MMS19: variants seen among roughly 807,000 people sequenced by gnomAD.
MMS19 encodes MMS19 nucleotide excision repair protein homolog.
A neutral mutation model predicts 129.8 loss-of-function variants in MMS19; 77 were observed. That is an observed-to-expected ratio of 0.59 (90% confidence interval 0.49 to 0.72). The LOEUF (loss-of-function observed/expected upper bound fraction) is 0.72, where lower values mean the gene tolerates loss of function less well. Among genes scored for constraint, MMS19 ranks in the 30% least tolerant of loss-of-function variants. The pLI, the probability that MMS19 is intolerant of heterozygous loss-of-function variation, is 0.00. For synonymous variants in MMS19, 491 were observed against 502.8 expected, an observed-to-expected ratio of 0.98 and a Z score of 0.31; for missense variants, 1,168 against 1,266.3, an observed-to-expected ratio of 0.92 and a Z score of 1.18.
At chr10:97,461,086 C>T in intron 23 of MMS19, 79 bp from the exon 24 acceptor site, 1 of 1,172,384 alleles carries the variant, frequency 8.5e-7, no homozygotes, top group Non-Finnish European at 1.2e-6. Flanking sequence ...ACTTTAAGTG[C>T]AGAGCTCCCT....
In MMS19 at chr10:97,460,057, G is replaced by A. The variant is rs2031315887; in HGVS notation, c.2645C>T (p.Ala882Val). Reference sequence around the variant, plus strand: ...TTCAGACTCCTCACCTTGGGGAGCAGCATGGAAGCCCTGGACCAAAGCAGG... The same window carrying A: ...TTCAGACTCCTCACCTTGGGGAGCAACATGGAAGCCCTGGACCAAAGCAGG... ...NVPALVQGFH[A>V]APQDVKPNYL... The change falls in exon 26 of 31, where the codon GCT becomes GTT. Residue 882 changes from alanine to valine, a missense_variant. Ala to Val is a moderately conservative substitution (Grantham distance 64). Around this residue, in one of 3 missense-constraint regions of MMS19, gnomAD observed 831 missense variants for 910.8 expected, o/e 0.91. Transcript: ENST00000438925. 2 of 1,613,646 alleles carry A rather than the reference G, an allele frequency of 1.2e-6. No homozygotes were observed. Among genetic ancestry groups the A allele is most frequent in the African/African-American group, 2.7e-5 (2 of 74,934 alleles).
chr10:97,477,847 T>A lies in MMS19; in HGVS notation c.423+8A>T, dbSNP rs1303092971. Reference sequence around the variant, plus strand: ...GAGGAGAATACCAACATGACTGTTATCCCTCACCTGTACATGCACTTCCTG... The same window carrying A: ...GAGGAGAATACCAACATGACTGTTAACCCTCACCTGTACATGCACTTCCTG... On this transcript the variant is annotated splice_region_variant and intron_variant, in intron 5 of 30. Coordinates refer to ENST00000438925, the MANE Select transcript of MMS19 (RefSeq NM_022362.5). 1.3e-6 allele frequency: 2 copies of A among 1,594,548 alleles called. No homozygotes were observed. The highest frequency in any genetic ancestry group is 1.3e-5 in the African/African-American group (1 of 74,450).
intron 23 of MMS19, 121 bp downstream of exon 23, chr10:97,461,375 G>T: frequency 1.7e-6 from 2 of 1,199,672 alleles, no homozygotes; most frequent in Non-Finnish European, 2.3e-6. Flanking sequence ...CAGTGCTTGA[G>T]CAGTTGAAGC....
At chr10:97,475,040 C>A (rs1327694539) in intron 8 of MMS19, among the ~76,000 whole-genome samples, 1 of 152,186 alleles carries the variant, frequency 6.6e-6, no homozygotes, top group Admixed American at 6.5e-5. Flanking sequence ...TGTAGCACTG[C>A]TCATAACAGC....
intron 23 of MMS19, chr10:97,461,211 G>A: frequency 1.7e-6 from 1 of 603,944 alleles, no homozygotes; most frequent in Non-Finnish European, 2.9e-6. Context: ...GAAAAGAGAG[G>A]GTCATCTACT....
intron 19 of MMS19, among the ~76,000 whole-genome samples, chr10:97,463,403 C>A (rs188974719): frequency 4.6e-5 from 7 of 152,344 alleles, no homozygotes; most frequent in Admixed American, 2.6e-4. Flanking sequence ...AAGTGATCCT[C>A]CCATCTTGGC....
At chr10:97,466,002 G>A (rs747441374) in intron 17 of MMS19, 48 bp from the exon 18 acceptor site, 4 of 1,611,754 alleles carry the variant, frequency 2.5e-6, no homozygotes, top group Admixed American at 1.7e-5. Context: ...TAGGAAGCAC[G>A]AAGGCCCCAA....
intron 1 of MMS19, among the ~76,000 whole-genome samples, chr10:97,492,163 A>T (rs1220744763): frequency 6.8e-6 from 1 of 146,234 alleles, no homozygotes; most frequent in African/African-American, 2.5e-5. Flanking sequence ...AAAAGTATAA[A>T]AGTAGAAAAA....
rs961619298 is a variant in MMS19, at chr10:97,469,584, AT to A, written c.924+61del. 6.6e-6 allele frequency: 9 copies of A among 1,356,982 alleles called. No individual in the cohort carries two copies. In the African/African-American group the frequency reaches 1.3e-4, roughly 19 times the overall value. 84.1% of individuals were successfully genotyped at this position (1,356,982 alleles called of 1,614,324 possible). A position where few individuals can be genotyped will look rare whatever the true frequency, so the allele number is the denominator to read the frequency against. On this transcript the variant is annotated intron_variant, in intron 11 of 30. Transcript: ENST00000438925. ...CAGAGGGAAAAGGACAGGATGTATTATTTCCCCTCATGCCTGACAATTGAAA... is the reference window on the plus strand; with the variant it reads ...CAGAGGGAAAAGGACAGGATGTATTATTCCCCTCATGCCTGACAATTGAAA...
chr10:97,466,474 T>G (rs1247312727), intron 16 of MMS19, 30 bp downstream of exon 16: 1 of 1,537,344 alleles, frequency 6.5e-7, no homozygotes, highest in Non-Finnish European at 9.0e-7. Context: ...AGGGAACAGC[T>G]TGCTCTATCT....
rs750591788 is a variant in MMS19, at chr10:97,480,961, G to C, written c.243C>G (p.Thr81=). The C allele has an allele frequency of 1.2e-6, 2 of 1,607,620 alleles. No homozygotes were observed. Among genetic ancestry groups the C allele is most frequent in the East Asian group, 4.5e-5 (2 of 44,746 alleles). The change falls in exon 3 of 31, where the codon ACC becomes ACG. Residue 81 remains threonine (T), a synonymous_variant. Coordinates refer to ENST00000438925, the MANE Select transcript of MMS19 (RefSeq NM_022362.5). ...LLSQVLLHCH[T]LLLEKEVVHL... ...CAGTACCTTCCTTCTCCAGGAGCAA[G>C]GTGTGACAGTGGAGTAGCACCTGTG...
chr10:97,495,990 A>C (rs1295909541), intron 1 of MMS19, among the ~76,000 whole-genome samples: 2 of 152,084 alleles, frequency 1.3e-5, no homozygotes, highest in East Asian at 3.9e-4. Flanking sequence ...CATGTTGGCC[A>C]GGCTGGTCTC....
chr10:97,474,333 A>G (rs1041513414), intron 8 of MMS19, among the ~76,000 whole-genome samples: 1 of 151,984 alleles, frequency 6.6e-6, no homozygotes, highest in Non-Finnish European at 1.5e-5. Flanking sequence ...AGTTGAGGTG[A>G]GGAGTTCGAG....
chr10:97,466,138 T>C lies in MMS19; in HGVS notation c.1527A>G (p.Ala509=). 1 of 1,575,162 alleles carries C rather than the reference T, an allele frequency of 6.3e-7. No homozygotes were observed. The highest frequency in any genetic ancestry group is 8.6e-7 in the Non-Finnish European group (1 of 1,160,272). The change falls in exon 17 of 31, where the codon GCA becomes GCG. Residue 509 remains alanine (A), a synonymous_variant. Coordinates refer to ENST00000438925, the MANE Select transcript of MMS19 (RefSeq NM_022362.5). ...SQSCRVAALE[A]SGTLAALYPV... ...GGTAGAGAGCAGCCAGGGTTCCTGA[T>C]GCTTCCAGTGCTGCCACCCTGCTGG... is the stretch of plus-strand genomic sequence containing the variant.
intron 1 of MMS19, 55 bp from the exon 2 acceptor site, chr10:97,484,206 G>T: frequency 8.5e-7 from 1 of 1,172,852 alleles, no homozygotes; most frequent in South Asian, 1.5e-5. Flanking sequence ...CTACCAAAGG[G>T]TTGAATAACA....
chr10:97,466,759 T>C lies in MMS19; in HGVS notation c.1423+17A>G. On this transcript the variant is annotated intron_variant, in intron 15 of 30. Coordinates refer to ENST00000438925, the MANE Select transcript of MMS19 (RefSeq NM_022362.5). ...AAAGGACCAATATTTTCCTCTTCTCTTTCCCTTAAGATGTACCTGGCTGGG... is the reference window on the plus strand; with the variant it reads ...AAAGGACCAATATTTTCCTCTTCTCCTTCCCTTAAGATGTACCTGGCTGGG... 1 of 1,614,050 alleles carries C rather than the reference T, an allele frequency of 6.2e-7. No homozygotes were observed. The highest frequency in any genetic ancestry group is 8.5e-7 in the Non-Finnish European group (1 of 1,179,892).
chr10:97,481,439 C>T (rs922350155), intron 2 of MMS19, among the ~76,000 whole-genome samples: 1 of 152,122 alleles, frequency 6.6e-6, no homozygotes, highest in Non-Finnish European at 1.5e-5. Flanking sequence ...GCAGCTGCAG[C>T]TTCCACCAAA....
intron 16 of MMS19, 116 bp from the exon 17 acceptor site, chr10:97,466,275 C>A: frequency 1.1e-6 from 1 of 886,720 alleles, no homozygotes; most frequent in South Asian, 1.5e-5. Context: ...TGCTAAAGAG[C>A]AGAACTCAAG....
At chr10:97,477,070 C>A in intron 6 of MMS19, 107 bp from the exon 7 acceptor site, 9 of 1,551,960 alleles carry the variant, frequency 5.8e-6, no homozygotes, top group Non-Finnish European at 6.9e-6. Context: ...CCTTTCTCTT[C>A]AGGGCTGACC....
Sources: allele counts gnomAD v4.1 joint callset (sites outside exome capture counted in the v4.1 genomes callset), GRCh38; gene constraint gnomAD v4.1.1; regional missense constraint gnomAD v4.1.1; transcripts MANE v1.5; gene names NCBI Gene and HGNC (gene_info 2026-07-23, HGNC 2026-07-21).